Variants in MKNK1 observed in about 807,000 individuals in gnomAD.
MKNK1 encodes the protein MAP kinase-interacting serine/threonine-protein kinase 1.
MKNK1 carries 30 observed loss-of-function variants against 49.3 expected under a neutral mutation model. The observed-to-expected ratio is 0.61, with a 90% CI of 0.46 to 0.83. MKNK1 has a LOEUF of 0.83. Among genes scored for constraint, MKNK1 ranks in the 40% least tolerant of loss-of-function variants. The pLI, the probability that MKNK1 is intolerant of heterozygous loss-of-function variation, is 0.00. For synonymous variants in MKNK1, 176 were observed against 201.7 expected (o/e 0.87, Z 1.08); for missense variants, 423 against 524.7 (o/e 0.81, Z 1.89).
chr1:46,587,414 T>C (rs1672730582), intron 2 of MKNK1, among the ~76,000 whole-genome samples: 1 of 152,204 alleles, frequency 6.6e-6, no homozygotes, highest in Non-Finnish European at 1.5e-5. Flanking sequence ...GGTTCAGATA[T>C]TATAACAGAA....
intron 1 of MKNK1, among the ~76,000 whole-genome samples, chr1:46,597,120 G>T (rs936779320): frequency 3.9e-5 from 6 of 152,094 alleles, no homozygotes; most frequent in African/African-American, 1.4e-4. Context: ...GCTGGGGTGG[G>T]GAAGGGTGAC....
intron 7 of MKNK1, among the ~76,000 whole-genome samples, chr1:46,570,638 C>T (rs1329632766): frequency 6.6e-6 from 1 of 152,232 alleles, no homozygotes. Flanking sequence ...ACATGGCTGG[C>T]CAACATCCGC....
At chr1:46,572,203 T>G (rs1370969802) in intron 6 of MKNK1, 36 bp from the exon 7 acceptor site, 1 of 1,575,212 alleles carries the variant, frequency 6.3e-7, no homozygotes, top group Admixed American at 1.7e-5. Context: ...AATGCCTTTT[T>G]GGGCTCTAGT....
At chr1:46,580,701 T>C in intron 3 of MKNK1, 74 bp from the exon 4 acceptor site, 1 of 1,038,818 alleles carries the variant, frequency 9.6e-7, no homozygotes, top group Admixed American at 1.8e-5. Context: ...AGAACTTTTG[T>C]GGCTCAGCTT....
chr1:46,567,999 G>A (rs1669377165), intron 8 of MKNK1, among the ~76,000 whole-genome samples: 2 of 152,026 alleles, frequency 1.3e-5, no homozygotes, highest in South Asian at 2.1e-4. Flanking sequence ...GCACATGCCT[G>A]TTGTCTCAGC....
At chr1:46,596,462 GA>G (rs1186083857) in intron 1 of MKNK1, among the ~76,000 whole-genome samples, 7 of 151,952 alleles carry the variant, frequency 4.6e-5, no homozygotes, top group African/African-American at 9.7e-5. Flanking sequence ...GCCTACAGTA[GA>G]AAAAAAACCC....
chr1:46,580,594 T>G lies in MKNK1; in HGVS notation c.134A>C (p.Glu45Ala), dbSNP rs148444989. Reference sequence around the variant, plus strand: ...ACCTTGAACTTTGGCATAGGCTCCCTCTCCAAGCAATTCAGAGGTCAGCTT... The same window carrying G: ...ACCTTGAACTTTGGCATAGGCTCCCGCTCCAAGCAATTCAGAGGTCAGCTT... ...MYKLTSELLG[E>A]GAYAKVQGAV... The change falls in exon 4 of 13, where the codon GAG becomes GCG. Residue 45 changes from glutamate (E) to alanine (A), a missense_variant. Glu to Ala is a moderately radical substitution (Grantham distance 107, BLOSUM62 -1). Coordinates refer to ENST00000371945, the MANE Select transcript of MKNK1 (RefSeq NM_001135553.4). 246 of 1,614,040 alleles carry G rather than the reference T, an allele frequency of 1.5e-4. No homozygotes were observed. The highest frequency in any genetic ancestry group is 1.2e-3 in the Middle Eastern group (7 of 6,062).
In MKNK1 at chr1:46,580,656, C is replaced by T. The variant is rs377100534; in HGVS notation, c.101-29G>A. On this transcript the variant is annotated intron_variant, in intron 3 of 12. Transcript: ENST00000371945. ...GAGGTGAAATGGATGAGAGGAATAA[C>T]AAGATGAGTCACCCTACTGCAAGCT... is the stretch of plus-strand genomic sequence containing the variant. The T allele has an allele frequency of 2.3e-5, 35 of 1,491,196 alleles. No individual in the cohort carries two copies. In the Middle Eastern group the frequency reaches 5.1e-4, roughly 22 times the overall value. 92.4% of individuals were successfully genotyped at this position (1,491,196 alleles called of 1,614,324 possible).
rs191000389 is a variant in MKNK1, at chr1:46,580,971, T to C, written c.101-344A>G. 8.5e-5 allele frequency among the ~76,000 whole-genome samples: 13 copies of C among 152,270 alleles called. No individual in the cohort carries two copies. In the East Asian group the frequency reaches 2.3e-3, roughly 27 times the overall value. ...GTGCAGGGGCTTACACCTGTAATCC[T>C]AGCACTTTGGGAGGCCAAGCCAGGA... On this transcript the variant is annotated intron_variant, in intron 3 of 12. Coordinates refer to ENST00000371945, the MANE Select transcript of MKNK1 (RefSeq NM_001135553.4).
At position 46,560,284 on chromosome 1, in the gene MKNK1, TG is replaced by T; in HGVS notation, c.970-8del. ...GTCCCTTTTCTGGAGCTTGCTAGAA[TG>T]GGAAGGACAGATGTGTAGGTAAAGC... On this transcript the variant is annotated splice_region_variant and splice_polypyrimidine_tract_variant and intron_variant, in intron 11 of 12. Coordinates refer to ENST00000371945, the MANE Select transcript of MKNK1 (RefSeq NM_001135553.4). 6.2e-7 allele frequency: 1 copy of T among 1,614,050 alleles called. No homozygotes were observed. The highest frequency in any genetic ancestry group is 1.3e-5 in the African/African-American group (1 of 75,022).
chr1:46,598,892 T>C (rs888379184), intron 1 of MKNK1, among the ~76,000 whole-genome samples: 2 of 152,202 alleles, frequency 1.3e-5, no homozygotes, highest in African/African-American at 4.8e-5. Flanking sequence ...AGCCAGGACA[T>C]TAGCAAGAGT....
chr1:46,560,715 C>G (rs900936477), intron 11 of MKNK1, among the ~76,000 whole-genome samples: 5 of 152,256 alleles, frequency 3.3e-5, no homozygotes, highest in African/African-American at 9.6e-5. Context: ...CACTAGAGCA[C>G]AGAGACAGGG....
intron 7 of MKNK1, 149 bp downstream of exon 7, chr1:46,571,914 T>A: frequency 1.5e-6 from 1 of 680,216 alleles, no homozygotes; most frequent in Non-Finnish European, 2.6e-6. Context: ...TGTTTCTCCC[T>A]CAACTCCCAT....
chr1:46,568,137 G>A, intron 8 of MKNK1: 1 of 234,060 alleles, frequency 4.3e-6, no homozygotes, highest in South Asian at 9.3e-5. Flanking sequence ...AAAAAAAAAA[G>A]TATTTACGAC....
intron 8 of MKNK1, 35 bp downstream of exon 8, chr1:46,568,408 A>C: frequency 5.6e-6 from 9 of 1,607,812 alleles, no homozygotes; most frequent in Non-Finnish European, 7.7e-6. Context: ...CTCGGTAAGT[A>C]TAAACTATAA....
chr1:46,581,381 G>A (rs562376345), intron 3 of MKNK1, among the ~76,000 whole-genome samples: 1 of 151,944 alleles, frequency 6.6e-6, no homozygotes, highest in Admixed American at 6.6e-5. Flanking sequence ...GTGGTGGCAC[G>A]CGCCTAAAGT....
At position 46,603,854 on chromosome 1, in the gene MKNK1, C is replaced by T. The variant is rs374272369; in HGVS notation, c.-171+331G>A. Among the ~76,000 whole-genome samples the T allele has an allele frequency of 3.3e-4, 51 of 152,344 alleles. 2 individuals carry two copies. In the South Asian group the frequency reaches 5.6e-3, roughly 17 times the overall value. ...GTACACAGATTTCACAAATTCCTCA[C>T]GTGAAAAACTATTCATGATACTGGA... is the stretch of plus-strand genomic sequence containing the variant. On this transcript the variant is annotated intron_variant, in intron 1 of 12. Transcript: ENST00000371945.
intron 3 of MKNK1, among the ~76,000 whole-genome samples, chr1:46,582,654 C>A (rs902589166): frequency 2.0e-5 from 3 of 152,268 alleles, no homozygotes; most frequent in African/African-American, 7.2e-5. Context: ...CCAGTGATAA[C>A]AGGACCCACA....
chr1:46,577,970 T>C (rs1298287773), intron 4 of MKNK1, among the ~76,000 whole-genome samples: 1 of 152,274 alleles, frequency 6.6e-6, no homozygotes, highest in South Asian at 2.1e-4. Flanking sequence ...CACAGACATC[T>C]GTGACCAACT....
Sources: gnomAD v4.1 joint callset for allele counts (sites outside exome capture counted in the v4.1 genomes callset) on GRCh38, gnomAD v4.1.1 for gene constraint, MANE v1.5 for transcripts, NCBI Gene and HGNC (gene_info 2026-07-23, HGNC 2026-07-21) for gene names.